The following HPSE2 variants were observed in gnomAD, a reference collection of about 807,000 sequenced individuals.
HPSE2 encodes heparanase 2 (inactive).
A neutral mutation model predicts 60.5 loss-of-function variants in HPSE2; 38 were observed. The ratio of observed to expected loss-of-function variants is 0.63; its 90% CI spans 0.48 to 0.82. The LOEUF (loss-of-function observed/expected upper bound fraction) is 0.82. Ranked by LOEUF, HPSE2 falls within the 40% of genes least tolerant of loss-of-function variation. The probability of loss-of-function intolerance (pLI) is 0.00; values close to 1 mark genes in which losing one functional copy is unlikely to be tolerated. For missense variants in HPSE2, 713 were observed against 740.4 expected, an observed-to-expected ratio of 0.96 and a Z score of 0.43; for synonymous variants, 295 against 293.2, an observed-to-expected ratio of 1.01 and a Z score of -0.06.
chr10:98,782,925 TA>T (rs1332187106), intron 3 of HPSE2, among the ~76,000 whole-genome samples: 5 of 40,324 alleles, frequency 1.2e-4, no homozygotes, highest in African/African-American at 6.1e-4. Context: ...TTTTTTTTTT[TA>T]TTTTTTTTTT....
chr10:98,599,318 G>A (rs943888454), intron 9 of HPSE2, among the ~76,000 whole-genome samples: 1 of 152,194 alleles, frequency 6.6e-6, no homozygotes, highest in African/African-American at 2.4e-5. Flanking sequence ...CAGCCTGAAG[G>A]CTGAATTGAA....
intron 3 of HPSE2, among the ~76,000 whole-genome samples, chr10:99,045,485 T>C (rs1957833866): frequency 6.6e-6 from 1 of 151,860 alleles, no homozygotes; most frequent in African/African-American, 2.4e-5. Flanking sequence ...CTAACAATAA[T>C]TACAGAAGAA....
chr10:99,127,654 G>A (rs867230698), intron 3 of HPSE2, among the ~76,000 whole-genome samples: 3 of 152,102 alleles, frequency 2.0e-5, no homozygotes, highest in Admixed American at 6.5e-5. Context: ...AACATCTGAG[G>A]AATTCATTGC....
At chr10:99,050,402 ACAGC>A (rs1957964556) in intron 3 of HPSE2, among the ~76,000 whole-genome samples, 1 of 152,220 alleles carries the variant, frequency 6.6e-6, no homozygotes, top group Non-Finnish European at 1.5e-5. Context: ...ATAAATTGAT[ACAGC>A]CATTATGGAA....
intron 3 of HPSE2, among the ~76,000 whole-genome samples, chr10:99,095,532 C>A (rs2135616712): frequency 6.6e-6 from 1 of 152,302 alleles, no homozygotes; most frequent in East Asian, 1.9e-4. Flanking sequence ...AAAAGAAACG[C>A]TATTAGCAGG....
intron 3 of HPSE2, among the ~76,000 whole-genome samples, chr10:99,116,678 T>C (rs1844703684): frequency 6.6e-6 from 1 of 151,958 alleles, no homozygotes; most frequent in Non-Finnish European, 1.5e-5. Context: ...AGAATGCAGA[T>C]GAAAAAGTGC....
intron 3 of HPSE2, among the ~76,000 whole-genome samples, chr10:99,025,313 C>G (rs992517317): frequency 6.6e-6 from 1 of 152,086 alleles, no homozygotes; most frequent in Non-Finnish European, 1.5e-5. Flanking sequence ...GAGCTAAAAG[C>G]AGAACTATCA....
intron 3 of HPSE2, among the ~76,000 whole-genome samples, chr10:98,745,683 A>G (rs1296681721): frequency 6.6e-6 from 1 of 152,190 alleles, no homozygotes; most frequent in South Asian, 2.1e-4. Context: ...GTCCTTTTAC[A>G]CAGTGTATCC....
intron 9 of HPSE2, among the ~76,000 whole-genome samples, chr10:98,584,270 T>C (rs1944881252): frequency 1.3e-5 from 2 of 152,212 alleles, no homozygotes; most frequent in Non-Finnish European, 2.9e-5. Context: ...TTGGTTGTAC[T>C]ATGCTGAGGA....
chr10:99,191,094 C>G (rs908476688), intron 2 of HPSE2, among the ~76,000 whole-genome samples: 3 of 152,080 alleles, frequency 2.0e-5, no homozygotes, highest in Non-Finnish European at 4.4e-5. Flanking sequence ...GTTTGGGTGC[C>G]AGCTCAGCAG....
At chr10:98,589,910 CT>C (rs928284654) in intron 9 of HPSE2, among the ~76,000 whole-genome samples, 2 of 152,156 alleles carry the variant, frequency 1.3e-5, no homozygotes, top group Non-Finnish European at 2.9e-5. Context: ...TTTAGTCATC[CT>C]GTCAGGAGAA....
intron 9 of HPSE2, among the ~76,000 whole-genome samples, chr10:98,563,720 T>G (rs1405640594): frequency 6.6e-6 from 1 of 152,208 alleles, no homozygotes; most frequent in Non-Finnish European, 1.5e-5. Context: ...TTCTTATTTT[T>G]TTTTCTGTAT....
At chr10:98,648,287 A>G (rs554877923) in intron 6 of HPSE2, among the ~76,000 whole-genome samples, 53 of 152,332 alleles carry the variant, frequency 3.5e-4, no homozygotes, top group African/African-American at 1.3e-3. Flanking sequence ...AGAGGTGTAC[A>G]GGAAGCTGGG....
intron 8 of HPSE2, among the ~76,000 whole-genome samples, chr10:98,620,176 C>T (rs2133985315): frequency 1.3e-5 from 2 of 152,328 alleles, no homozygotes; most frequent in African/African-American, 4.8e-5. Flanking sequence ...GCACTTACCT[C>T]CTACAGCTTT....
chr10:99,235,969 C>T (rs1849834611), upstream of HPSE2: 2 of 350,444 alleles, frequency 5.7e-6, no homozygotes, highest in East Asian at 1.2e-4. Context: ...CTCTCTCTCT[C>T]GCTCGCTCGC....
chr10:99,124,658 C>T (rs1309658410), intron 3 of HPSE2, among the ~76,000 whole-genome samples: 1 of 152,270 alleles, frequency 6.6e-6, no homozygotes, highest in Non-Finnish European at 1.5e-5. Flanking sequence ...TTGGCCTCAA[C>T]TTTGCTCCAA....
the HPSE2 span, among the ~76,000 whole-genome samples, chr10:99,244,007 C>CA: frequency 6.6e-6 from 1 of 152,146 alleles, no homozygotes; most frequent in East Asian, 1.9e-4. Context: ...GCCTGTAATA[C>CA]AATTGTGTTT....
chr10:98,486,089 G>A (rs1941429612), intron 10 of HPSE2, among the ~76,000 whole-genome samples: 1 of 152,182 alleles, frequency 6.6e-6, no homozygotes, highest in Admixed American at 6.5e-5. Flanking sequence ...TTCTCAGGTA[G>A]GAATTGGCAT....
intron 3 of HPSE2, among the ~76,000 whole-genome samples, chr10:99,101,567 T>C (rs999340743): frequency 3.3e-5 from 5 of 151,580 alleles, no homozygotes; most frequent in African/African-American, 7.3e-5. Context: ...ACTGTCAACA[T>C]TAGATCAACA....
Sources: allele counts gnomAD v4.1 joint callset (sites outside exome capture counted in the v4.1 genomes callset), GRCh38; gene constraint gnomAD v4.1.1; transcripts MANE v1.5; gene names NCBI Gene and HGNC (gene_info 2026-07-23, HGNC 2026-07-21).